DNAAF10: variants seen among roughly 807,000 people sequenced by gnomAD.
DNAAF10 encodes WD repeat domain 92.
DNAAF10 carries 28 observed loss-of-function variants against 43.7 expected under a neutral mutation model. The ratio of observed to expected loss-of-function variants is 0.64; its 90% CI spans 0.48 to 0.88. The LOEUF (loss-of-function observed/expected upper bound fraction) is 0.88. Among genes scored for constraint, DNAAF10 ranks in the 40% least tolerant of loss-of-function variants. The pLI is 0.00. For missense variants in DNAAF10, 403 were observed against 439.1 expected (o/e 0.92, Z 0.73); for synonymous variants, 156 against 157.3 (o/e 0.99, Z 0.06).
chr2:68,155,788 G>T (rs1673584756), intron 1 of DNAAF10, among the ~76,000 whole-genome samples: 1 of 151,916 alleles, frequency 6.6e-6, no homozygotes, highest in Non-Finnish European at 1.5e-5. Flanking sequence ...TAGATAATCT[G>T]AACTGAACAT....
chr2:68,157,226 C>G, intron 1 of DNAAF10, 35 bp downstream of exon 1: 1 of 1,591,386 alleles, frequency 6.3e-7, no homozygotes. Context: ...GCACTCGCCC[C>G]CAACGGCAGT....
At chr2:68,141,006 G>A (rs1450486761) in intron 4 of DNAAF10, among the ~76,000 whole-genome samples, 6 of 151,980 alleles carry the variant, frequency 3.9e-5, no homozygotes, top group Non-Finnish European at 8.8e-5. Context: ...TGAGAACTCC[G>A]CCCCCATTAA....
intron 4 of DNAAF10, among the ~76,000 whole-genome samples, chr2:68,140,791 G>A (rs1437252284): frequency 6.6e-6 from 1 of 152,100 alleles, no homozygotes; most frequent in African/African-American, 2.4e-5. Context: ...CTATCCATGG[G>A]TTCTGCATCT....
chr2:68,144,738 TAC>T (rs762520185), intron 2 of DNAAF10, 23 bp from the exon 3 acceptor site: 5 of 1,600,606 alleles, frequency 3.1e-6, no homozygotes. Context: ...CACAGCTTCT[TAC>T]ACCACATATC....
chr2:68,148,079 A>T (rs1252145610), intron 1 of DNAAF10, among the ~76,000 whole-genome samples: 1 of 152,198 alleles, frequency 6.6e-6, no homozygotes, highest in East Asian at 1.9e-4. Flanking sequence ...AGTATGGATC[A>T]GCCAATCTTT....
intron 3 of DNAAF10, 32 bp from the exon 4 acceptor site, chr2:68,141,827 T>C (rs1482226795): frequency 9.6e-6 from 15 of 1,562,720 alleles, no homozygotes; most frequent in Non-Finnish European, 1.3e-5. Flanking sequence ...TGGCAAAAAT[T>C]CAAAAGTAAA....
At chr2:68,137,243 C>A in intron 6 of DNAAF10, 56 bp downstream of exon 6, 2 of 1,516,184 alleles carry the variant, frequency 1.3e-6, no homozygotes, top group South Asian at 1.3e-5. Context: ...TTCTACTTAT[C>A]AGTCTAAACC....
rs1467464713 is a variant in DNAAF10, at chr2:68,157,189, C to G, written c.183+72G>C. The G allele has an allele frequency of 2.0e-6, 3 of 1,528,708 alleles. No individual in the cohort carries two copies. In the African/African-American group the frequency reaches 4.1e-5, roughly 21 times the overall value. 94.7% of individuals were successfully genotyped at this position (1,528,708 alleles called of 1,614,324 possible). On this transcript the variant is annotated intron_variant, in intron 1 of 7. Transcript: ENST00000295121. The stretch of plus-strand genomic sequence containing the variant: ...GGGGGACGCTGGGCGAAGGCTCTGG[C>G]AAAGAGGAATGCAGACCCCAGGATC...
Position 68,157,193 on chromosome 2 carries a change from G to A in DNAAF10, c.183+68C>T, listed in dbSNP as rs957050340. On this transcript the variant is annotated intron_variant, in intron 1 of 7. Coordinates refer to ENST00000295121, the MANE Select transcript of DNAAF10 (RefSeq NM_138458.4). ...GACGCTGGGCGAAGGCTCTGGCAAA[G>A]AGGAATGCAGACCCCAGGATCCGCA... 31 of 1,537,272 alleles carry A rather than the reference G, an allele frequency of 2.0e-5. No individual in the cohort carries two copies. In the East Asian group the frequency reaches 6.7e-4, roughly 33 times the overall value.
chr2:68,156,269 G>T (rs1413582130), intron 1 of DNAAF10, among the ~76,000 whole-genome samples: 1 of 152,124 alleles, frequency 6.6e-6, no homozygotes, highest in African/African-American at 2.4e-5. Context: ...AGGCTTAACA[G>T]TCCAAATTGT....
rs1007173839 is a variant in DNAAF10 at position 68,134,771 on chromosome 2, C to T, written c.797G>A (p.Arg266Gln). 5 of 1,611,182 alleles carry T rather than the reference C, an allele frequency of 3.1e-6. No homozygotes were observed. Among genetic ancestry groups the T allele is most frequent in the African/African-American group, 1.3e-5 (1 of 74,702 alleles). The change falls in exon 7 of 8, where the codon CGA becomes CAA. Residue 266 changes from arginine (R) to glutamine (Q), a missense_variant. Transcript: ENST00000295121. ...GAGCTCCCTGTTCTGCGGCAGGTGT[C>T]GGACCTGCCACACAGTAGATTTATG... ...KAHKSTVWQV[R>Q]HLPQNRELFL...
At chr2:68,133,558 G>T (rs190913244) in intron 7 of DNAAF10, among the ~76,000 whole-genome samples, 75 of 152,230 alleles carry the variant, frequency 4.9e-4, no homozygotes, top group African/African-American at 1.4e-3. Flanking sequence ...TTCGAGATCA[G>T]CCTGGCCAAC....
intron 7 of DNAAF10, among the ~76,000 whole-genome samples, chr2:68,133,024 G>T (rs1672957139): frequency 6.6e-6 from 1 of 152,180 alleles, no homozygotes; most frequent in South Asian, 2.1e-4. Flanking sequence ...GTAAAATAGT[G>T]ATGTGCCACC....
chr2:68,143,329 G>A (rs1021390456), intron 3 of DNAAF10, among the ~76,000 whole-genome samples: 2 of 151,970 alleles, frequency 1.3e-5, no homozygotes, highest in African/African-American at 4.8e-5. Flanking sequence ...GATTACAGGT[G>A]TGTGCCACCA....
intron 2 of DNAAF10, 32 bp from the exon 3 acceptor site, chr2:68,144,747 T>C (rs1436797439): frequency 6.3e-7 from 1 of 1,589,400 alleles, no homozygotes; most frequent in South Asian, 1.2e-5. Flanking sequence ...TTACACCACA[T>C]ATCCCAAACA....
intron 1 of DNAAF10, among the ~76,000 whole-genome samples, chr2:68,148,901 A>T (rs17035031): frequency 6.6e-6 from 1 of 152,224 alleles, no homozygotes; most frequent in South Asian, 2.1e-4. Flanking sequence ...ATTTACAAAC[A>T]CACATGGTTT....
intron 1 of DNAAF10, among the ~76,000 whole-genome samples, chr2:68,151,356 G>A (rs1673452706): frequency 6.6e-6 from 1 of 151,946 alleles, no homozygotes; most frequent in Non-Finnish European, 1.5e-5. Flanking sequence ...TTTTCCCCAG[G>A]TCACCATGCC....
chr2:68,147,533 A>C lies in DNAAF10; in HGVS notation c.218T>G (p.Phe73Cys), dbSNP rs367839314. Reference protein sequence around the residue: ...EKAKPIKCGTFGATSLQQRYL... With the variant: ...EKAKPIKCGTCGATSLQQRYL... ...TCTCTGCTGTAAAGATGTTGCACCAAATGTTCCACATTTAATAGGTTTGGC... is the reference window on the plus strand; with the variant it reads ...TCTCTGCTGTAAAGATGTTGCACCACATGTTCCACATTTAATAGGTTTGGC... Residue 73 changes from phenylalanine (F) to cysteine (C), a missense_variant, in exon 2 of 8, where the codon TTT becomes TGT. By Grantham distance (205) the Phe-to-Cys change is radical (BLOSUM62 -2). Transcript: ENST00000295121. 1.9e-6 allele frequency: 3 copies of C among 1,611,964 alleles called. No individual in the cohort carries two copies. The Admixed American group carries it at 5.0e-5, about 27-fold the overall frequency.
In DNAAF10 at chr2:68,157,163, TG is replaced by T. The variant is rs1326272011; in HGVS notation, c.183+97del. On this transcript the variant is annotated intron_variant, in intron 1 of 7. Coordinates refer to ENST00000295121, the MANE Select transcript of DNAAF10 (RefSeq NM_138458.4). ...GTCTCGCGCGGCTCAAGCCATGCTT[TG>T]GGGGACGCTGGGCGAAGGCTCTGGC... The T allele has an allele frequency of 5.4e-6, 8 of 1,479,872 alleles. No individual in the cohort carries two copies. The East Asian group carries it at 9.1e-5, about 17-fold the overall frequency. The allele number at this position is 1,479,872 out of a possible 1,614,324, so 91.7% of individuals were successfully genotyped here.
Sources: gnomAD v4.1 joint callset for allele counts (sites outside exome capture counted in the v4.1 genomes callset) on GRCh38, gnomAD v4.1.1 for gene constraint, MANE v1.5 for transcripts, NCBI Gene and HGNC (gene_info 2026-07-23, HGNC 2026-07-21) for gene names.